PLD1: variants seen among roughly 807,000 people sequenced by gnomAD.
The protein encoded by PLD1 is phospholipase D1.
A neutral mutation model predicts 137.1 loss-of-function variants in PLD1; 112 were observed. The ratio of observed to expected loss-of-function variants is 0.82; its 90% confidence interval spans 0.70 to 0.96. The LOEUF (loss-of-function observed/expected upper bound fraction) is 0.96, where lower values mean the gene tolerates loss of function less well. PLD1 is among the 40% of genes least tolerant of loss of function. The pLI is 0.00. For synonymous variants in PLD1, 431 were observed against 454.7 expected (o/e 0.95, Z 0.66); for missense variants, 1,321 against 1,342.0 (o/e 0.98, Z 0.24).
rs1038204510 is a variant in PLD1, at chr3:171,626,195, C to A, written c.2594-5675G>T. ...GCTGAAAGCCAAGGCTCGAGAACTA[C>A]ATGAAGAACGCAGAAGCCTCAAGAG... On this transcript the variant is annotated intron_variant, in intron 23 of 26. Transcript: ENST00000351298. Among the ~76,000 whole-genome samples the A allele has an allele frequency of 4.1e-4, 62 of 152,004 alleles. 2 individuals carry two copies. The highest frequency in any genetic ancestry group is 1.5e-3 in the African/African-American group (61 of 41,358).
intron 1 of PLD1, chr3:171,791,775 T>G (rs940141223): frequency 2.6e-5 from 4 of 151,942 alleles, no homozygotes; most frequent in African/African-American, 4.8e-5. Flanking sequence ...CACTCCTTTT[T>G]TTTTGTTTTG....
intron 26 of PLD1, among the ~76,000 whole-genome samples, chr3:171,603,507 C>T (rs2108246436): frequency 6.6e-6 from 1 of 152,246 alleles, no homozygotes; most frequent in South Asian, 2.1e-4. Context: ...GATCTGCTTC[C>T]ATTTAAAAAA....
At chr3:171,704,775 C>G (rs771855565) in intron 11 of PLD1, among the ~76,000 whole-genome samples, 26 of 152,196 alleles carry the variant, frequency 1.7e-4, no homozygotes, top group Non-Finnish European at 2.8e-4. Context: ...CATAGAGCAG[C>G]AGTCCCCAAC....
In PLD1 at chr3:171,714,058, A is replaced by G; in HGVS notation, c.759-13T>C. On this transcript the variant is annotated splice_polypyrimidine_tract_variant and intron_variant, in intron 8 of 26. Coordinates refer to ENST00000351298, the MANE Select transcript of PLD1 (RefSeq NM_002662.5). ...CACTATTAACCATCTGTAAGAAGGT[A>G]GTAAGTATTTTTAAAAGTTGCATTG... The G allele has an allele frequency of 6.5e-7, 1 of 1,547,742 alleles. No homozygotes were observed. Among genetic ancestry groups the G allele is most frequent in the South Asian group, 1.1e-5 (1 of 88,444 alleles).
At chr3:171,768,983 G>A (rs1183297401) in intron 1 of PLD1, among the ~76,000 whole-genome samples, 2 of 152,184 alleles carry the variant, frequency 1.3e-5, no homozygotes, top group African/African-American at 4.8e-5. Context: ...AGAATGCAAT[G>A]TGTGTTCCAA....
At chr3:171,624,799 A>G (rs992268597) in intron 23 of PLD1, among the ~76,000 whole-genome samples, 10 of 152,188 alleles carry the variant, frequency 6.6e-5, no homozygotes, top group Admixed American at 6.5e-4. Context: ...AATATGCAGT[A>G]TATTTTTTTG....
intron 22 of PLD1, among the ~76,000 whole-genome samples, chr3:171,643,704 T>C (rs1235965868): frequency 1.1e-4 from 16 of 151,296 alleles, no homozygotes; most frequent in Admixed American, 9.9e-4. Flanking sequence ...ATTGATAAAA[T>C]TCAATTAAAC....
At position 171,687,546 on chromosome 3, in the gene PLD1, T is replaced by G. The variant is rs747847656; in HGVS notation, c.1578A>C (p.Lys526Asn). ...GGTTTTGAACAGGCTCATTTTTATC[T>G]TTGAGTCTTAAGGATTCCATAGACT... ...AMESMESLRL[K>N]DKNEPVQNLP... The change falls in exon 15 of 27, where the codon AAA (lysine) becomes AAC (asparagine). Residue 526 changes from lysine (K) to asparagine (N), a missense_variant. Transcript: ENST00000351298. The G allele has an allele frequency of 1.2e-5, 19 of 1,614,144 alleles. No individual in the cohort carries two copies. Among genetic ancestry groups the G allele is most frequent in the Non-Finnish European group, 1.6e-5 (19 of 1,179,978 alleles).
intron 6 of PLD1, among the ~76,000 whole-genome samples, chr3:171,732,706 A>T (rs1031293563): frequency 6.6e-6 from 1 of 152,366 alleles, no homozygotes; most frequent in Admixed American, 6.5e-5. Flanking sequence ...CATACAATTC[A>T]TACAAATGCA....
At chr3:171,633,568 T>A (rs917164794) in intron 23 of PLD1, among the ~76,000 whole-genome samples, 5 of 152,104 alleles carry the variant, frequency 3.3e-5, no homozygotes, top group Admixed American at 2.6e-4. Context: ...CAAACCACCA[T>A]GGCATGTGTA....
At chr3:171,652,766 AT>A (rs1174564536) in intron 21 of PLD1, among the ~76,000 whole-genome samples, 908 of 75,500 alleles carry the variant, frequency 0.012, 2 homozygotes, top group African/African-American at 0.042. Flanking sequence ...ACACTCAGCT[AT>A]TTTTTTTTTT....
At chr3:171,604,356 GT>G (rs1208874514) in intron 26 of PLD1, among the ~76,000 whole-genome samples, 1 of 150,730 alleles carries the variant, frequency 6.6e-6, no homozygotes. Context: ...AAGAAACAAG[GT>G]TATACAGACA....
At position 171,783,290 on chromosome 3, in the gene PLD1, G is replaced by A. The variant is rs144194505; in HGVS notation, c.-32+27109C>T. On this transcript the variant is annotated intron_variant, in intron 1 of 26. Transcript: ENST00000351298. Reference sequence around the variant, plus strand: ...TGTGTGTGTTTTCCAGGAATGCTCCGTGGTTTGGAAGAAAGTGTAGAGTTA... The same window carrying A: ...TGTGTGTGTTTTCCAGGAATGCTCCATGGTTTGGAAGAAAGTGTAGAGTTA... Among the ~76,000 whole-genome samples, 1,470 of 152,106 alleles carry A rather than the reference G, an allele frequency of 9.7e-3. 25 individuals are homozygous for A. Among genetic ancestry groups the A allele is most frequent in the African/African-American group, 0.033 (1,368 of 41,482 alleles).
At chr3:171,726,813 A>G (rs1360912444) in intron 6 of PLD1, among the ~76,000 whole-genome samples, 1 of 152,160 alleles carries the variant, frequency 6.6e-6, no homozygotes, top group African/African-American at 2.4e-5. Flanking sequence ...TTCATGCATT[A>G]TCTCAAACCC....
rs76877694 is a variant in PLD1, at chr3:171,783,294, T to C, written c.-32+27105A>G. Among the ~76,000 whole-genome samples, 1,468 of 152,036 alleles carry C rather than the reference T, an allele frequency of 9.7e-3. 26 individuals carry two copies. The highest frequency in any genetic ancestry group is 0.033 in the African/African-American group (1,369 of 41,452). ...TGTGTTTTCCAGGAATGCTCCGTGG[T>C]TTGGAAGAAAGTGTAGAGTTATGCC... On this transcript the variant is annotated intron_variant, in intron 1 of 26. Coordinates refer to ENST00000351298, the MANE Select transcript of PLD1 (RefSeq NM_002662.5).
chr3:171,709,102 GA>G (rs1477085982), intron 10 of PLD1, among the ~76,000 whole-genome samples: 1 of 152,194 alleles, frequency 6.6e-6, no homozygotes, highest in Non-Finnish European at 1.5e-5. Context: ...TAAGGAGCCA[GA>G]TTAATTTTCC....
chr3:171,636,722 T>C (rs1453204200), intron 23 of PLD1, among the ~76,000 whole-genome samples: 2 of 152,102 alleles, frequency 1.3e-5, no homozygotes, highest in Non-Finnish European at 2.9e-5. Context: ...AGAGGTAGTT[T>C]TACTCTTCCT....
At chr3:171,753,223 A>G (rs1005658657) in intron 1 of PLD1, among the ~76,000 whole-genome samples, 1 of 152,228 alleles carries the variant, frequency 6.6e-6, no homozygotes, top group South Asian at 2.1e-4. Flanking sequence ...TCTTTGTTCA[A>G]CCGCTGCTCC....
chr3:171,807,271 G>A (rs1166910309), intron 1 of PLD1, among the ~76,000 whole-genome samples: 1 of 151,556 alleles, frequency 6.6e-6, no homozygotes, highest in Non-Finnish European at 1.5e-5. Context: ...CTCCAACCTG[G>A]GCAACAGAGT....
Sources: gnomAD v4.1 joint callset for allele counts (sites outside exome capture counted in the v4.1 genomes callset) on GRCh38, gnomAD v4.1.1 for gene constraint, MANE v1.5 for transcripts, NCBI Gene and HGNC (gene_info 2026-07-23, HGNC 2026-07-21) for gene names.